Variants in TMEFF2 observed in about 807,000 individuals in gnomAD.
TMEFF2 encodes the protein transmembrane protein with EGF like and two follistatin like domains 2.
Under a neutral mutation model 53.8 loss-of-function variants are expected in TMEFF2, and 28 were observed. The observed-to-expected ratio is 0.52, with a 90% CI of 0.39 to 0.71. The LOEUF (loss-of-function observed/expected upper bound fraction) is 0.71, where lower values mean the gene tolerates loss of function less well. Among genes scored for constraint, TMEFF2 ranks in the 30% least tolerant of loss-of-function variants. TMEFF2 has a pLI of 0.00. For missense variants in TMEFF2, 353 were observed against 455.2 expected (o/e 0.78, Z 2.04); for synonymous variants, 162 against 166.3 (o/e 0.97, Z 0.20).
chr2:192,012,441 T>TTA (rs1413101939), intron 5 of TMEFF2, among the ~76,000 whole-genome samples: 1 of 152,192 alleles, frequency 6.6e-6, no homozygotes, highest in Non-Finnish European at 1.5e-5. Flanking sequence ...TGGAGCATGC[T>TTA]TAGATAGATT....
At chr2:192,096,670 C>CTCTT (rs61068218) in intron 4 of TMEFF2, among the ~76,000 whole-genome samples, 13 of 53,682 alleles carry the variant, frequency 2.4e-4, no homozygotes, top group African/African-American at 1.3e-4. Flanking sequence ...CTCTCTCTCT[C>CTCTT]TTTTTTTTTT....
chr2:192,134,742 G>A (rs1177180851), intron 4 of TMEFF2, among the ~76,000 whole-genome samples: 2 of 152,070 alleles, frequency 1.3e-5, no homozygotes, highest in Non-Finnish European at 2.9e-5. Flanking sequence ...CTTTCCTACA[G>A]GGTCTGAGAA....
At chr2:192,117,046 A>T (rs1188170661) in intron 4 of TMEFF2, among the ~76,000 whole-genome samples, 2 of 152,108 alleles carry the variant, frequency 1.3e-5, no homozygotes, top group Non-Finnish European at 2.9e-5. Context: ...TTTTCAATAG[A>T]TGTTTGATAT....
chr2:191,973,608 C>G (rs574572640), intron 7 of TMEFF2, among the ~76,000 whole-genome samples: 8 of 152,004 alleles, frequency 5.3e-5, no homozygotes, highest in Non-Finnish European at 7.4e-5. Flanking sequence ...ACTCCAGAAG[C>G]CATGTGTGTC....
At chr2:192,001,376 A>G (rs1686354763) in intron 5 of TMEFF2, among the ~76,000 whole-genome samples, 1 of 151,670 alleles carries the variant, frequency 6.6e-6, no homozygotes, top group Non-Finnish European at 1.5e-5. Context: ...ATTAATATTT[A>G]TGTTTTTGTA....
intron 4 of TMEFF2, among the ~76,000 whole-genome samples, chr2:192,121,307 G>A (rs10164776): frequency 0.34 from 51,303 of 151,926 alleles, 10,340 homozygotes; most frequent in Non-Finnish European, 0.47. Context: ...ATCTGGTCTC[G>A]GTCATAACAA....
chr2:192,015,789 TA>T (rs1318119996), intron 5 of TMEFF2, among the ~76,000 whole-genome samples: 1 of 152,190 alleles, frequency 6.6e-6, no homozygotes, highest in East Asian at 1.9e-4. Context: ...TCAGGTTACT[TA>T]AGAGACTAGG....
At chr2:192,185,074 T>G (rs1369540079) in intron 2 of TMEFF2, among the ~76,000 whole-genome samples, 1 of 152,080 alleles carries the variant, frequency 6.6e-6, no homozygotes, top group African/African-American at 2.4e-5. Flanking sequence ...GGATATGGTC[T>G]AGAGAGAAGC....
intron 5 of TMEFF2, among the ~76,000 whole-genome samples, chr2:192,000,637 G>A (rs1479031030): frequency 6.6e-6 from 1 of 152,158 alleles, no homozygotes; most frequent in Non-Finnish European, 1.5e-5. Context: ...TGATCAGTCT[G>A]TTGATTGAGA....
chr2:192,104,849 C>T lies in TMEFF2; in HGVS notation c.440-47074G>A, dbSNP rs368080401. ...TCTAAATGAGGTATATTGAACATTT[C>T]GAATCTTGACAGTTTAATTCTATAT... On this transcript the variant is annotated intron_variant, in intron 4 of 9. Transcript: ENST00000272771. Among the ~76,000 whole-genome samples, 231 of 152,060 alleles carry T rather than the reference C, an allele frequency of 1.5e-3. 1 individual carries two copies. Among genetic ancestry groups the T allele is most frequent in the Non-Finnish European group, 2.8e-3 (193 of 67,902 alleles).
chr2:192,143,703 G>A (rs990069638), intron 4 of TMEFF2, among the ~76,000 whole-genome samples: 1 of 151,960 alleles, frequency 6.6e-6, no homozygotes, highest in African/African-American at 2.4e-5. Flanking sequence ...CTTTCTTTCT[G>A]TAATTTGAGT....
At chr2:192,103,923 G>A (rs1689090561) in intron 4 of TMEFF2, among the ~76,000 whole-genome samples, 1 of 151,794 alleles carries the variant, frequency 6.6e-6, no homozygotes, top group African/African-American at 2.4e-5. Flanking sequence ...GTATACTGCT[G>A]TGAAGTTTAT....
At chr2:192,189,896 C>T (rs1691420105) in intron 2 of TMEFF2, among the ~76,000 whole-genome samples, 1 of 152,122 alleles carries the variant, frequency 6.6e-6, no homozygotes, top group South Asian at 2.1e-4. Flanking sequence ...ACAACTATTG[C>T]AAAGCACAAA....
chr2:191,966,248 G>T (rs1477897524), intron 7 of TMEFF2, among the ~76,000 whole-genome samples: 1 of 152,176 alleles, frequency 6.6e-6, no homozygotes, highest in Non-Finnish European at 1.5e-5. Flanking sequence ...TCTGCCAGAG[G>T]GGAGTGGCTG....
intron 5 of TMEFF2, among the ~76,000 whole-genome samples, chr2:192,037,353 A>C (rs1014079721): frequency 1.4e-5 from 2 of 142,942 alleles, no homozygotes; most frequent in East Asian, 2.3e-4. Context: ...AAACAGAAAA[A>C]AAAACCTCTC....
At chr2:191,963,167 C>G (rs1692321261) in intron 7 of TMEFF2, among the ~76,000 whole-genome samples, 1 of 152,134 alleles carries the variant, frequency 6.6e-6, no homozygotes, top group Non-Finnish European at 1.5e-5. Context: ...GAGTTTTCCC[C>G]TCAGCATCTC....
chr2:192,138,746 A>T (rs561337721), intron 4 of TMEFF2, among the ~76,000 whole-genome samples: 1 of 152,326 alleles, frequency 6.6e-6, no homozygotes, highest in South Asian at 2.1e-4. Context: ...TCTTGATTTA[A>T]TCTTTAGCAG....
chr2:192,071,541 TAA>T (rs916486733), intron 4 of TMEFF2, among the ~76,000 whole-genome samples: 4 of 151,776 alleles, frequency 2.6e-5, no homozygotes, highest in Non-Finnish European at 5.9e-5. Context: ...TTGGTTACCC[TAA>T]AAAAGAGTAC....
At chr2:191,989,788 T>G (rs1686059444) in intron 7 of TMEFF2, among the ~76,000 whole-genome samples, 1 of 152,124 alleles carries the variant, frequency 6.6e-6, no homozygotes, top group Non-Finnish European at 1.5e-5. Flanking sequence ...TTAAGCCCAT[T>G]TCTCTGCCCC....
Sources: gnomAD v4.1 joint callset for allele counts (sites outside exome capture counted in the v4.1 genomes callset) on GRCh38, gnomAD v4.1.1 for gene constraint, MANE v1.5 for transcripts, NCBI Gene and HGNC (gene_info 2026-07-23, HGNC 2026-07-21) for gene names.